The following CRYBG2 variants were observed in gnomAD, a reference collection of about 807,000 sequenced individuals.
The protein encoded by CRYBG2 is crystallin beta-gamma domain containing 2.
CRYBG2 carries 106 observed loss-of-function variants against 153.4 expected under a neutral mutation model. The ratio of observed to expected loss-of-function variants is 0.69; its 90% CI spans 0.59 to 0.81. The LOEUF is 0.81. Among genes scored for constraint, CRYBG2 ranks in the 30% least tolerant of loss-of-function variants. The probability of loss-of-function intolerance (pLI) is 0.00; values close to 1 mark genes in which losing one functional copy is unlikely to be tolerated. For missense variants in CRYBG2, 1,996 were observed against 2,112.0 expected (o/e 0.95, Z 1.08); for synonymous variants, 851 against 877.8 (o/e 0.97, Z 0.54).
rs368685963 is a variant in CRYBG2, at chr1:26,346,150, C to T, written c.508G>A (p.Glu170Lys). ...GLTSGSSRSL[E>K]EYRVTRTVRT... ...ACAGTGCGTGTCACTCGGTATTCCT[C>T]GAGGCTCCGGGAGCTACCACTGGTG... is the stretch of plus-strand genomic sequence containing the variant. The change falls in exon 2 of 20, where the codon GAG (glutamate) becomes AAG (lysine). Residue 170 changes from glutamate to lysine, a missense_variant. Physicochemically the swap from Glu to Lys is moderately conservative, Grantham distance 56. Transcript: ENST00000308182. The surrounding 1 kb of genome is among the most constrained non-coding windows in gnomAD (Gnocchi z 4.9). 8.3e-6 allele frequency: 13 copies of T among 1,557,498 alleles called. No homozygotes were observed. Among genetic ancestry groups the T allele is most frequent in the African/African-American group, 4.0e-5 (3 of 74,184 alleles).
At position 26,343,669 on chromosome 1, in the gene CRYBG2, C is replaced by G. The variant is rs1192360724; in HGVS notation, c.2913+76G>C. 4 of 1,418,114 alleles carry G rather than the reference C, an allele frequency of 2.8e-6. No homozygotes were observed. The East Asian group carries it at 7.5e-5, about 27-fold the overall frequency. The allele number at this position is 1,418,114 out of a possible 1,614,324, so 87.8% of individuals were successfully genotyped here. A position where few individuals can be genotyped will look rare whatever the true frequency, so the allele number is the denominator to read the frequency against. On this transcript the variant is annotated intron_variant, in intron 2 of 19. Coordinates refer to ENST00000308182, the MANE Select transcript of CRYBG2 (RefSeq NM_001039775.4). The surrounding 1 kb of genome is among the most constrained non-coding windows in gnomAD (Gnocchi z 4.1). ...GCCCCCAGACTCTGACTCCCAGCAC[C>G]ACTCTCTTCACACCACTCAAGCCTT...
chr1:26,336,460 G>T lies in CRYBG2; in HGVS notation c.4039-90C>A, dbSNP rs770069527. The T allele has an allele frequency of 1.9e-6, 3 of 1,558,722 alleles. No homozygotes were observed. Among genetic ancestry groups the T allele is most frequent in the Non-Finnish European group, 2.6e-6 (3 of 1,151,050 alleles). On this transcript the variant is annotated intron_variant, in intron 12 of 19. Coordinates refer to ENST00000308182, the MANE Select transcript of CRYBG2 (RefSeq NM_001039775.4). This position sits in a 1 kb window ranked among gnomAD's most constrained non-coding sequence, Gnocchi z 4.9. ...TTTCAGTACCGTCCACCCCGCGGCCGCGCCCTCGGCCCCGCCCCCTTCTAA... is the reference window on the plus strand; with the variant it reads ...TTTCAGTACCGTCCACCCCGCGGCCTCGCCCTCGGCCCCGCCCCCTTCTAA...
In CRYBG2 at chr1:26,336,184, G is replaced by A; in HGVS notation, c.4095C>T (p.Asp1365=). The A allele has an allele frequency of 6.4e-7, 1 of 1,551,146 alleles. No homozygotes were observed. Among genetic ancestry groups the A allele is most frequent in the Non-Finnish European group, 8.7e-7 (1 of 1,145,288 alleles). ...CGAAAGAGAAGTGGTCGCCCAGAAAGTCGGGGCGGGAGAAAAGCTGAATCT... is the reference window on the plus strand; with the variant it reads ...CGAAAGAGAAGTGGTCGCCCAGAAAATCGGGGCGGGAGAAAAGCTGAATCT... ...VSKIQLFSRP[D]FLGDHFSFED... is the part of the protein sequence containing the mutation. The change falls in exon 14 of 20, where the codon GAC becomes GAT. Residue 1365 remains aspartate, a synonymous_variant. Transcript: ENST00000308182. This position sits in a 1 kb window ranked among gnomAD's most constrained non-coding sequence, Gnocchi z 4.9.
In CRYBG2 at chr1:26,342,837, G is replaced by A; in HGVS notation, c.3121C>T (p.Leu1041=). The A allele has an allele frequency of 1.2e-6, 2 of 1,614,170 alleles. No homozygotes were observed. The highest frequency in any genetic ancestry group is 2.2e-5 in the East Asian group (1 of 44,882). ...CTGAGTTCCATGTCTCCTTCAGGCA[G>A]GACCAGCTTCTGACCCCGGAACTCT... ...EPEFRGQKLV[L]PEGDMELRTP... Residue 1041 remains leucine (L), a synonymous_variant, in exon 5 of 20, where the codon CTG becomes TTG. Coordinates refer to ENST00000308182, the MANE Select transcript of CRYBG2 (RefSeq NM_001039775.4).
chr1:26,349,555 T>A (rs2074264892), intron 1 of CRYBG2, among the ~76,000 whole-genome samples: 1 of 152,058 alleles, frequency 6.6e-6, no homozygotes. Context: ...CTCCATAGCC[T>A]CCCTTACTAA....
intron 1 of CRYBG2, among the ~76,000 whole-genome samples, chr1:26,350,684 G>A (rs1215134806): frequency 6.6e-6 from 1 of 152,134 alleles, no homozygotes; most frequent in Non-Finnish European, 1.5e-5. Context: ...AGGGAGCCAT[G>A]TCAGTCCTGG....
In CRYBG2 at chr1:26,343,087, C is replaced by A. The variant is rs1469649583; in HGVS notation, c.3034G>T (p.Gly1012Cys). 5.8e-6 allele frequency: 9 copies of A among 1,550,342 alleles called. No individual in the cohort carries two copies. The Admixed American group carries it at 1.8e-4, about 30-fold the overall frequency. The change falls in exon 4 of 20, where the codon GGC becomes TGC. Residue 1012 changes from glycine to cysteine, a missense_variant. Transcript: ENST00000308182. The surrounding 1 kb of genome is among the most constrained non-coding windows in gnomAD (Gnocchi z 4.1). ...EVWGDIVDAS[G>C]WAPVASIRVV... ...CTTATGGAGGCTACGGGGGCCCAGC[C>A]TGAGGCATCAACGATGTCTCCCCAG... is the stretch of plus-strand genomic sequence containing the variant.
At chr1:26,333,381 C>T (rs1212936316) in intron 14 of CRYBG2, among the ~76,000 whole-genome samples, 1 of 152,022 alleles carries the variant, frequency 6.6e-6, no homozygotes, top group Non-Finnish European at 1.5e-5. Flanking sequence ...GCCTGACCAA[C>T]ATGAAGAAAC....
chr1:26,329,111 A>T (rs181323649), intron 15 of CRYBG2, among the ~76,000 whole-genome samples: 102 of 150,554 alleles, frequency 6.8e-4, no homozygotes, highest in Non-Finnish European at 1.1e-3. Flanking sequence ...TCCAGTAAAT[A>T]GCACTTCTCA....
chr1:26,331,734 GA>G, intron 14 of CRYBG2, 116 bp from the exon 15 acceptor site: 2 of 1,402,036 alleles, frequency 1.4e-6, no homozygotes, highest in Non-Finnish European at 1.9e-6. Flanking sequence ...TGTCCCAGGG[GA>G]GGTGGGATGA....
At position 26,328,275 on chromosome 1, in the gene CRYBG2, G is replaced by A. The variant is rs372198126; in HGVS notation, c.4512C>T (p.Cys1504=). ...FRGRQWLVGS[C]EITNWLTYSG... The stretch of plus-strand genomic sequence containing the variant: ...TGTAGGTCAGCCAGTTGGTGATCTC[G>A]CAGCTTCCCACCAGCCACTGGCGGC... The change falls in exon 17 of 20, where the codon TGC becomes TGT. Residue 1504 remains cysteine (C), a synonymous_variant. Transcript: ENST00000308182. The A allele has an allele frequency of 1.4e-5, 22 of 1,567,864 alleles. No individual in the cohort carries two copies. The highest frequency in any genetic ancestry group is 4.8e-5 in the East Asian group (2 of 42,006).
Position 26,346,133 on chromosome 1 carries a change from T to C in CRYBG2, c.525A>G (p.Thr175=), listed in dbSNP as rs540265516. ...SSRSLEEYRV[T]RTVRTTTVVG... Reference sequence around the variant, plus strand: ...CCACTGTGGTGGTCCGCACAGTGCGTGTCACTCGGTATTCCTCGAGGCTCC... The same window carrying C: ...CCACTGTGGTGGTCCGCACAGTGCGCGTCACTCGGTATTCCTCGAGGCTCC... The change falls in exon 2 of 20, where the codon ACA becomes ACG. Residue 175 remains threonine (T), a synonymous_variant. Coordinates refer to ENST00000308182, the MANE Select transcript of CRYBG2 (RefSeq NM_001039775.4). The surrounding 1 kb of genome is among the most constrained non-coding windows in gnomAD (Gnocchi z 4.9). 16 of 1,560,692 alleles carry C rather than the reference T, an allele frequency of 1.0e-5. No homozygotes were observed. The South Asian group carries it at 1.8e-4, about 17-fold the overall frequency.
At chr1:26,337,875 A>C in intron 8 of CRYBG2, 137 bp downstream of exon 8, 1 of 1,313,932 alleles carries the variant, frequency 7.6e-7, no homozygotes, top group Non-Finnish European at 1.0e-6. Flanking sequence ...CAGTGAGCCC[A>C]TCAGGTCCCA....
rs768992711 is a variant in CRYBG2 at position 26,336,757 on chromosome 1, CAGCTGGGACGG to C, written c.3912-36_3912-26del. 4 of 1,575,910 alleles carry C rather than the reference CAGCTGGGACGG, an allele frequency of 2.5e-6. No individual in the cohort carries two copies. The African/African-American group carries it at 4.1e-5, about 16-fold the overall frequency. ...CCTGCAGGAAGGGCGGGGCGCGAGT[CAGCTGGGACGG>C]AGCCTGCACCTCTCCTGGAACCGCC... On this transcript the variant is annotated intron_variant, in intron 11 of 19. Transcript: ENST00000308182. This position sits in a 1 kb window ranked among gnomAD's most constrained non-coding sequence, Gnocchi z 4.9.
At position 26,343,910 on chromosome 1, in the gene CRYBG2, G is replaced by A. The variant is rs41285435; in HGVS notation, c.2748C>T (p.Thr916=). Residue 916 remains threonine, a synonymous_variant, in exon 2 of 20, where the codon ACC becomes ACT. Transcript: ENST00000308182. The surrounding 1 kb of genome is among the most constrained non-coding windows in gnomAD (Gnocchi z 4.1). ...GSLLFGSLVP[T]AKEASTPEPL... The stretch of plus-strand genomic sequence containing the variant: ...GTTCCGGGGTGGAGGCCTCCTTGGC[G>A]GTAGGCACCAGACTGCCGAACAGAA... 17,274 of 1,534,280 alleles carry A rather than the reference G, an allele frequency of 0.011. 127 individuals are homozygous for A. The highest frequency in any genetic ancestry group is 0.013 in the Non-Finnish European group (14,885 of 1,139,644).
chr1:26,329,527 T>C (rs929482705), intron 15 of CRYBG2, among the ~76,000 whole-genome samples: 6 of 150,698 alleles, frequency 4.0e-5, no homozygotes, highest in African/African-American at 1.5e-4. Flanking sequence ...TTGCCCAGGC[T>C]GGAGTGCAGT....
At chr1:26,349,182 T>TA (rs1004695971) in intron 1 of CRYBG2, among the ~76,000 whole-genome samples, 19 of 150,800 alleles carry the variant, frequency 1.3e-4, no homozygotes, top group African/African-American at 3.9e-4. Flanking sequence ...ATTAAAATTT[T>TA]AAAAAAAAAG....
intron 1 of CRYBG2, among the ~76,000 whole-genome samples, chr1:26,352,486 C>G (rs761399797): frequency 1.2e-4 from 19 of 152,208 alleles, no homozygotes; most frequent in Non-Finnish European, 2.4e-4. Context: ...AACGTGGACA[C>G]ACACGCTTGG....
rs748951792 is a variant in CRYBG2 at position 26,342,778 on chromosome 1, G to A, written c.3180C>T (p.Ile1060=). 65 of 1,613,918 alleles carry A rather than the reference G, an allele frequency of 4.0e-5. No individual in the cohort carries two copies. Among genetic ancestry groups the A allele is most frequent in the Middle Eastern group, 1.7e-4 (1 of 6,060 alleles). ...TPGTKWSPQG[I]GSLRRVVWDY... The stretch of plus-strand genomic sequence containing the variant: ...CCCAGACAACCCTCCTTAGGGAGCC[G>A]ATGCCTTGGGGACTCCACTTTGTCC... Residue 1060 remains isoleucine, a synonymous_variant, in exon 5 of 20, where the codon ATC becomes ATT. Transcript: ENST00000308182.
Sources: gnomAD v4.1 joint callset for allele counts (sites outside exome capture counted in the v4.1 genomes callset) on GRCh38, gnomAD v4.1.1 for gene constraint, Gnocchi (gnomAD v3.1) non-coding constraint, MANE v1.5 for transcripts, NCBI Gene and HGNC (gene_info 2026-07-23, HGNC 2026-07-21) for gene names.